The following ZCCHC7 variants were observed in gnomAD, a reference collection of about 807,000 sequenced individuals.
ZCCHC7 encodes zinc finger CCHC-type containing 7, also known as zinc finger CCHC domain-containing protein 7.
ZCCHC7 carries 35 observed loss-of-function variants against 52.0 expected under a neutral mutation model. The ratio of observed to expected loss-of-function variants is 0.67; its 90% CI spans 0.51 to 0.89. The LOEUF (loss-of-function observed/expected upper bound fraction) is 0.89. Ranked by LOEUF, ZCCHC7 falls within the 40% of genes least tolerant of loss-of-function variation. The pLI is 0.00. For missense variants in ZCCHC7, 574 were observed against 649.1 expected (o/e 0.88, Z 1.26); for synonymous variants, 217 against 221.5 (o/e 0.98, Z 0.18).
At chr9:37,131,122 C>CGAGGTCGG (rs1842762300) in intron 2 of ZCCHC7, among the ~76,000 whole-genome samples, 1 of 149,640 alleles carries the variant, frequency 6.7e-6, no homozygotes, top group South Asian at 2.1e-4. Context: ...AGGTGGATCA[C>CGAGGTCGG]GAGGTCGGGA....
At chr9:37,202,979 T>A (rs1823714808) in intron 2 of ZCCHC7, among the ~76,000 whole-genome samples, 2 of 152,246 alleles carry the variant, frequency 1.3e-5, no homozygotes. Context: ...TGACAACTAT[T>A]TCAGCCAAAG....
chr9:37,254,494 G>T (rs1004455455), intron 2 of ZCCHC7, among the ~76,000 whole-genome samples: 2 of 151,894 alleles, frequency 1.3e-5, no homozygotes, highest in African/African-American at 2.4e-5. Context: ...TGAGAGTGGG[G>T]TGTTGACTAG....
chr9:37,326,320 T>C (rs1009161386), intron 5 of ZCCHC7, among the ~76,000 whole-genome samples: 1 of 152,166 alleles, frequency 6.6e-6, no homozygotes, highest in Admixed American at 6.5e-5. Context: ...TGAATCAACC[T>C]TTTACTTTTT....
chr9:37,163,201 AAAAC>A lies in ZCCHC7; in HGVS notation c.610+36279_610+36282del, dbSNP rs756920213. On this transcript the variant is annotated intron_variant, in intron 2 of 8. Coordinates refer to ENST00000336755, the MANE Select transcript of ZCCHC7 (RefSeq NM_032226.3). ...GGCAACAGAGTGAGACTCTGTCTCA[AAAAC>A]AAACAAACAAACAAACAAAAAAAAA... Among the ~76,000 whole-genome samples the A allele has an allele frequency of 4.8e-4, 73 of 152,002 alleles. 1 individual carries two copies. Among genetic ancestry groups the A allele is most frequent in the Middle Eastern group, 3.4e-3 (1 of 294 alleles).
intron 2 of ZCCHC7, among the ~76,000 whole-genome samples, chr9:37,281,372 A>G (rs995897964): frequency 1.1e-4 from 16 of 152,210 alleles, no homozygotes; most frequent in African/African-American, 3.9e-4. Flanking sequence ...AGATTGTGAC[A>G]TAGAGGTGAA....
At chr9:37,133,916 G>A (rs1342441156) in intron 2 of ZCCHC7, among the ~76,000 whole-genome samples, 3 of 152,230 alleles carry the variant, frequency 2.0e-5, no homozygotes, top group East Asian at 1.9e-4. Flanking sequence ...TAGAGTTGGG[G>A]TTTCAGCATG....
At chr9:37,189,401 G>A (rs571108781) in intron 2 of ZCCHC7, among the ~76,000 whole-genome samples, 67 of 151,968 alleles carry the variant, frequency 4.4e-4, no homozygotes, top group African/African-American at 1.3e-3. Context: ...CTTTTCCCCC[G>A]CTGAGACTGA....
chr9:37,127,080 C>T (rs1002949619), intron 2 of ZCCHC7, 138 bp downstream of exon 2: 9 of 1,023,226 alleles, frequency 8.8e-6, no homozygotes, highest in East Asian at 7.3e-5. Context: ...GTTTCTCATG[C>T]GACTCTCTTA....
chr9:37,166,072 A>G (rs754786746), intron 2 of ZCCHC7, among the ~76,000 whole-genome samples: 19 of 152,202 alleles, frequency 1.2e-4, no homozygotes, highest in Non-Finnish European at 1.9e-4. Context: ...TTTTATTGGC[A>G]CAAAGCTGTT....
intron 2 of ZCCHC7, among the ~76,000 whole-genome samples, chr9:37,270,410 G>C (rs910848475): frequency 1.3e-5 from 2 of 151,886 alleles, no homozygotes; most frequent in African/African-American, 4.8e-5. Flanking sequence ...CTCCTAGGAG[G>C]CTGGGCGCGG....
chr9:37,265,249 A>G (rs1827046889), intron 2 of ZCCHC7, among the ~76,000 whole-genome samples: 2 of 152,214 alleles, frequency 1.3e-5, no homozygotes, highest in Admixed American at 1.3e-4. Context: ...CAGTTTAAAT[A>G]AAAGTAAGTA....
intron 2 of ZCCHC7, among the ~76,000 whole-genome samples, chr9:37,185,537 G>A (rs1378525907): frequency 6.6e-6 from 1 of 152,146 alleles, no homozygotes; most frequent in African/African-American, 2.4e-5. Flanking sequence ...CAAGAGTTCT[G>A]GAGGCCAGAA....
At chr9:37,329,523 C>A (rs1830372942) in intron 6 of ZCCHC7, among the ~76,000 whole-genome samples, 1 of 151,650 alleles carries the variant, frequency 6.6e-6, no homozygotes, top group South Asian at 2.1e-4. Flanking sequence ...ATTGAAGTTG[C>A]CATCACAGTT....
At chr9:37,336,194 T>C (rs962800695) in intron 6 of ZCCHC7, among the ~76,000 whole-genome samples, 2 of 152,272 alleles carry the variant, frequency 1.3e-5, no homozygotes, top group East Asian at 1.9e-4. Context: ...TAGCAAAATG[T>C]AGTGGTATAA....
rs1356522140 is a variant in ZCCHC7, at chr9:37,282,056, C to A, written c.611-20132C>A. On this transcript the variant is annotated intron_variant, in intron 2 of 8. Transcript: ENST00000336755. The stretch of plus-strand genomic sequence containing the variant: ...AACCTTTTGAGAGCTGAGCAATAAG[C>A]TTTTCATTTTCTTCAGAATCAGCTC... Among the ~76,000 whole-genome samples the A allele has an allele frequency of 1.3e-5, 2 of 152,216 alleles. 1 individual carries two copies. The highest frequency in any genetic ancestry group is 4.1e-4 in the South Asian group (2 of 4,824).
intron 2 of ZCCHC7, among the ~76,000 whole-genome samples, chr9:37,180,550 C>T (rs1348130457): frequency 6.6e-6 from 1 of 151,938 alleles, no homozygotes; most frequent in African/African-American, 2.4e-5. Context: ...GCTGTATTTA[C>T]TTTGGTGGAA....
chr9:37,161,062 A>T (rs927241557), intron 2 of ZCCHC7, among the ~76,000 whole-genome samples: 1 of 150,742 alleles, frequency 6.6e-6, no homozygotes, highest in African/African-American at 2.4e-5. Flanking sequence ...CAGTTCTCTT[A>T]TCTCAGCCTC....
intron 2 of ZCCHC7, among the ~76,000 whole-genome samples, chr9:37,290,751 CTA>C: frequency 6.6e-6 from 1 of 152,264 alleles, no homozygotes; most frequent in South Asian, 2.1e-4. Context: ...CACAATAAAA[CTA>C]ATTCTGTTTC....
intron 2 of ZCCHC7, among the ~76,000 whole-genome samples, chr9:37,298,760 A>G (rs1828902183): frequency 6.6e-6 from 1 of 152,214 alleles, no homozygotes. Flanking sequence ...GGTACATTTT[A>G]TTACATGTAA....
Sources: allele counts gnomAD v4.1 joint callset (sites outside exome capture counted in the v4.1 genomes callset), GRCh38; gene constraint gnomAD v4.1.1; transcripts MANE v1.5; gene names NCBI Gene and HGNC (gene_info 2026-07-23, HGNC 2026-07-21).